Variants in SMARCAL1 observed in about 807,000 individuals in gnomAD.
SMARCAL1 encodes the protein SNF2 related chromatin remodeling annealing helicase 1.
Under a neutral mutation model 94.5 loss-of-function variants are expected in SMARCAL1, and 58 were observed. That is an observed-to-expected ratio of 0.61 (90% CI 0.50 to 0.76). SMARCAL1 has a LOEUF of 0.76. Ranked by LOEUF, SMARCAL1 falls within the 30% of genes least tolerant of loss-of-function variation. The pLI is 0.00. For missense variants in SMARCAL1, 1,051 were observed against 1,177.9 expected, an observed-to-expected ratio of 0.89 and a Z score of 1.58; for synonymous variants, 422 against 455.1, an observed-to-expected ratio of 0.93 and a Z score of 0.93.
chr2:216,458,518 CT>C, intron 12 of SMARCAL1, among the ~76,000 whole-genome samples: 1 of 152,310 alleles, frequency 6.6e-6, no homozygotes, highest in Non-Finnish European at 1.5e-5. Flanking sequence ...GGATGCAAGG[CT>C]GGTTCAACAT....
rs973846704 is a variant in SMARCAL1 at position 216,416,284 on chromosome 2, G to C, written c.839G>C (p.Ser280Thr). Residue 280 changes from serine to threonine, a missense_variant, in exon 4 of 18, where the codon AGC becomes ACC. Transcript: ENST00000357276. ...CCTGACACCAAGACGTGGAACTTCA[G>C]CATGAATGACTATAGTGCCCTGAGT... ...YDPDTKTWNF[S>T]MNDYSALMKA... 12 of 1,613,632 alleles carry C rather than the reference G, an allele frequency of 7.4e-6. No homozygotes were observed. Among genetic ancestry groups the C allele is most frequent in the Non-Finnish European group, 1.0e-5 (12 of 1,179,748 alleles).
intron 13 of SMARCAL1, among the ~76,000 whole-genome samples, chr2:216,466,385 G>A (rs1434934890): frequency 2.0e-5 from 3 of 152,156 alleles, no homozygotes; most frequent in African/African-American, 7.2e-5. Context: ...GATCATGTAA[G>A]TCACACTGGC....
At chr2:216,451,101 A>G in intron 12 of SMARCAL1, 37 bp downstream of exon 12, 2 of 1,539,486 alleles carry the variant, frequency 1.3e-6, no homozygotes, top group Non-Finnish European at 9.0e-7. Context: ...GGAAGCAGAC[A>G]TGTCTAGGTG....
Position 216,447,048 on chromosome 2 carries a change from A to T in SMARCAL1, c.1741A>T (p.Thr581Ser), listed in dbSNP as rs914843328. The change falls in exon 11 of 18, where the codon ACA (threonine) becomes TCA (serine). Residue 581 changes from threonine (T) to serine (S), a missense_variant. Physicochemically the swap from Thr to Ser is moderately conservative, Grantham distance 58 (BLOSUM62 1). Around this residue, in one of 3 missense-constraint regions of SMARCAL1, gnomAD observed 642 missense variants for 754.7 expected, o/e 0.85. Transcript: ENST00000357276. ...CAAGAGGGTGATCCTGTTGTCGGGC[A>T]CACCAGCCATGTCCCGGCCCGCAGA... ...VAKRVILLSG[T>S]PAMSRPAELY... 1 of 1,604,426 alleles carries T rather than the reference A, an allele frequency of 6.2e-7. No homozygotes were observed. Among genetic ancestry groups the T allele is most frequent in the African/African-American group, 1.4e-5 (1 of 71,724 alleles).
At chr2:216,421,597 T>G (rs896247649) in intron 5 of SMARCAL1, among the ~76,000 whole-genome samples, 3 of 152,132 alleles carry the variant, frequency 2.0e-5, no homozygotes, top group African/African-American at 7.2e-5. Context: ...CCGTTTTGCT[T>G]TAGTTTTTCA....
At chr2:216,424,530 G>A (rs930690711) in intron 6 of SMARCAL1, among the ~76,000 whole-genome samples, 1 of 152,196 alleles carries the variant, frequency 6.6e-6, no homozygotes, top group Non-Finnish European at 1.5e-5. Context: ...GCCAACCCTG[G>A]GAGCTCTGAG....
intron 4 of SMARCAL1, 48 bp downstream of exon 4, chr2:216,416,355 A>G: frequency 1.3e-6 from 2 of 1,503,650 alleles, no homozygotes; most frequent in South Asian, 1.1e-5. Flanking sequence ...TGGTGCTGAA[A>G]ATCTTTAGAG....
chr2:216,458,450 C>T (rs181986792), intron 12 of SMARCAL1, among the ~76,000 whole-genome samples: 306 of 152,240 alleles, frequency 2.0e-3, no homozygotes, highest in African/African-American at 6.8e-3. Context: ...ACTGGCAAAC[C>T]GAATCCAGCA....
At chr2:216,457,762 A>G (rs1201145432) in intron 12 of SMARCAL1, among the ~76,000 whole-genome samples, 6 of 152,228 alleles carry the variant, frequency 3.9e-5, no homozygotes, top group Non-Finnish European at 7.3e-5. Flanking sequence ...ACACCCTAAC[A>G]TCACAATTAA....
At chr2:216,454,378 T>C (rs1694512912) in intron 12 of SMARCAL1, among the ~76,000 whole-genome samples, 1 of 152,336 alleles carries the variant, frequency 6.6e-6, no homozygotes, top group South Asian at 2.1e-4. Flanking sequence ...TAACATTTAT[T>C]GAATACTTGC....
chr2:216,433,246 G>A (rs1451577563), intron 8 of SMARCAL1, among the ~76,000 whole-genome samples: 4 of 151,514 alleles, frequency 2.6e-5, no homozygotes, highest in African/African-American at 4.9e-5. Context: ...TATGAGACTG[G>A]CTAGTTTTTG....
intron 12 of SMARCAL1, among the ~76,000 whole-genome samples, chr2:216,454,354 A>G (rs12468079): frequency 0.019 from 2,845 of 152,288 alleles, 93 homozygotes; most frequent in East Asian, 0.16. Context: ...ATAAAGAAAA[A>G]TACTTACAAT....
At position 216,477,138 on chromosome 2, in the gene SMARCAL1, C is replaced by T; in HGVS notation, c.2457C>T (p.His819=). The part of the protein sequence containing the change: ...GVLIQAEDRV[H]RIGQTSSVGI... ...TGATCCAGGCTGAGGACCGCGTGCA[C>T]CGCATTGGACAGACCAGCTCCGTGG... The change falls in exon 16 of 18, where the codon CAC becomes CAT. Residue 819 remains histidine, a synonymous_variant. Transcript: ENST00000357276. The T allele has an allele frequency of 1.9e-6, 3 of 1,591,124 alleles. No individual in the cohort carries two copies. The highest frequency in any genetic ancestry group is 2.6e-6 in the Non-Finnish European group (3 of 1,168,854).
At chr2:216,457,638 A>G (rs1694599951) in intron 12 of SMARCAL1, among the ~76,000 whole-genome samples, 1 of 152,244 alleles carries the variant, frequency 6.6e-6, no homozygotes, top group Non-Finnish European at 1.5e-5. Flanking sequence ...CTTGAAACCA[A>G]TGAGAACAAA....
intron 14 of SMARCAL1, among the ~76,000 whole-genome samples, chr2:216,470,246 G>A (rs1038490039): frequency 2.0e-5 from 3 of 152,066 alleles, no homozygotes; most frequent in African/African-American, 7.2e-5. Context: ...CGCCTCCTGG[G>A]TTCAAGAGAT....
chr2:216,483,051 A>G lies in SMARCAL1; in HGVS notation c.*74A>G. 2 of 1,572,892 alleles carry G rather than the reference A, an allele frequency of 1.3e-6. No individual in the cohort carries two copies. The highest frequency in any genetic ancestry group is 1.7e-6 in the Non-Finnish European group (2 of 1,157,574). ...AAATAAAATAATGTATTTTGTTTTA[A>G]AACTTTTTGAGCTTCTCTTGCCATT... On this transcript the variant is annotated 3_prime_UTR_variant, in exon 18 of 18. Transcript: ENST00000357276.
intron 8 of SMARCAL1, among the ~76,000 whole-genome samples, chr2:216,434,095 C>T (rs1574457709): frequency 6.6e-6 from 1 of 151,938 alleles, no homozygotes; most frequent in Non-Finnish European, 1.5e-5. Context: ...TCTGCCTTGG[C>T]CTCCCAAGTC....
chr2:216,478,182 C>T (rs1015978462), intron 16 of SMARCAL1, 21 bp from the exon 17 acceptor site: 38 of 1,602,736 alleles, frequency 2.4e-5, no homozygotes, highest in Non-Finnish European at 3.2e-5. Context: ...GTATTCACTG[C>T]AGCTCATTTC....
At chr2:216,449,814 G>A (rs1694403232) in intron 11 of SMARCAL1, among the ~76,000 whole-genome samples, 1 of 151,848 alleles carries the variant, frequency 6.6e-6, no homozygotes, top group Non-Finnish European at 1.5e-5. Flanking sequence ...GATTGTTGGT[G>A]AGGGATAGGG....
Sources: allele counts gnomAD v4.1 joint callset (sites outside exome capture counted in the v4.1 genomes callset), GRCh38; gene constraint gnomAD v4.1.1; regional missense constraint gnomAD v4.1.1; transcripts MANE v1.5; gene names NCBI Gene and HGNC (gene_info 2026-07-23, HGNC 2026-07-21).